The following ABTB3 variants were observed in gnomAD, a reference collection of about 807,000 sequenced individuals.
ABTB3 encodes ankyrin repeat and BTB domain containing 3, also known as ankyrin repeat- and BTB/POZ domain-containing protein 3.
the ABTB3 span, chr12:107,650,606 T>G: frequency 6.6e-6 from 1 of 152,272 alleles, no homozygotes; most frequent in Non-Finnish European, 1.5e-5. Flanking sequence ...TTCGGCTCAC[T>G]GCAACCTCTG....
the ABTB3 span, among the ~76,000 whole-genome samples, chr12:107,335,973 GC>G: frequency 6.6e-6 from 1 of 152,124 alleles, no homozygotes; most frequent in African/African-American, 2.4e-5. Flanking sequence ...TCCTCCTCCT[GC>G]CCCGACAATT....
the ABTB3 span, among the ~76,000 whole-genome samples, chr12:107,489,763 CTTTT>C: frequency 1.5e-4 from 23 of 152,038 alleles, no homozygotes; most frequent in African/African-American, 5.1e-4. Flanking sequence ...TAAACATTGT[CTTTT>C]TTTGTTTTTT....
chr12:107,657,628 C>T, the ABTB3 span: 190 of 1,614,116 alleles, frequency 1.2e-4, no homozygotes, highest in South Asian at 2.3e-4. Flanking sequence ...GTGAAGGGAC[C>T]GGCCAGGATG....
chr12:107,508,250 A>C, the ABTB3 span, among the ~76,000 whole-genome samples: 1 of 151,532 alleles, frequency 6.6e-6, no homozygotes, highest in Non-Finnish European at 1.5e-5. Context: ...TTGTTTAGTT[A>C]ATTGAAGGAT....
chr12:107,585,905 T>C, the ABTB3 span, among the ~76,000 whole-genome samples: 1 of 152,184 alleles, frequency 6.6e-6, no homozygotes, highest in Admixed American at 6.5e-5. Context: ...AAAGTTACTA[T>C]CCATTCCCTC....
chr12:107,352,147 G>A, the ABTB3 span, among the ~76,000 whole-genome samples: 1 of 152,200 alleles, frequency 6.6e-6, no homozygotes, highest in Non-Finnish European at 1.5e-5. Flanking sequence ...TTATGACACT[G>A]GGTGAAGAGG....
the ABTB3 span, among the ~76,000 whole-genome samples, chr12:107,625,969 A>G: frequency 1.0e-3 from 153 of 152,274 alleles, 1 homozygote; most frequent in African/African-American, 3.4e-3. Flanking sequence ...GCTATTGTCT[A>G]AAAGTTTCCT....
the ABTB3 span, among the ~76,000 whole-genome samples, chr12:107,355,371 C>T: frequency 3.9e-5 from 6 of 152,234 alleles, no homozygotes; most frequent in African/African-American, 9.6e-5. Flanking sequence ...GACTGGACCA[C>T]GTGGAACAGC....
At chr12:107,610,289 A>C in the ABTB3 span, 1 of 1,614,172 alleles carries the variant, frequency 6.2e-7, no homozygotes, top group East Asian at 2.2e-5. Context: ...ACTGTGGACG[A>C]ACAGACCTGG....
chr12:107,494,789 C>T, the ABTB3 span, among the ~76,000 whole-genome samples: 2 of 152,224 alleles, frequency 1.3e-5, no homozygotes, highest in Non-Finnish European at 2.9e-5. Context: ...ACTGAGGGCT[C>T]TGCGCTGCAG....
the ABTB3 span, among the ~76,000 whole-genome samples, chr12:107,436,444 T>C: frequency 2.0e-5 from 3 of 152,176 alleles, no homozygotes; most frequent in African/African-American, 7.2e-5. Flanking sequence ...ATACCACTAA[T>C]GTAGTCATGT....
the ABTB3 span, among the ~76,000 whole-genome samples, chr12:107,565,114 C>A: frequency 2.0e-5 from 3 of 152,162 alleles, no homozygotes; most frequent in African/African-American, 7.2e-5. Flanking sequence ...GGCTGGGAAG[C>A]TGGAAACAGG....
the ABTB3 span, among the ~76,000 whole-genome samples, chr12:107,335,381 A>C: frequency 7.1e-6 from 1 of 141,750 alleles, no homozygotes; most frequent in African/African-American, 2.6e-5. Context: ...GATTCTGAGG[A>C]TATTTGTGAT....
chr12:107,348,855 A>G, the ABTB3 span, among the ~76,000 whole-genome samples: 2 of 152,192 alleles, frequency 1.3e-5, no homozygotes. Context: ...GCTATTTTAG[A>G]CAGGGCACCT....
At chr12:107,422,557 GT>G in the ABTB3 span, among the ~76,000 whole-genome samples, 1 of 152,236 alleles carries the variant, frequency 6.6e-6, no homozygotes, top group Non-Finnish European at 1.5e-5. Flanking sequence ...GACTTTCACA[GT>G]TGTTTAGGTG....
the ABTB3 span, among the ~76,000 whole-genome samples, chr12:107,547,333 G>C: frequency 6.6e-6 from 1 of 152,132 alleles, no homozygotes; most frequent in East Asian, 1.9e-4. Flanking sequence ...TTCTAAAATG[G>C]AAGTCTCGCC....
chr12:107,610,050 C>A, the ABTB3 span: 1 of 936,202 alleles, frequency 1.1e-6, no homozygotes. Flanking sequence ...CATCCGGAGG[C>A]CATCATTTTA....
At chr12:107,588,277 T>TG in the ABTB3 span, among the ~76,000 whole-genome samples, 1 of 152,210 alleles carries the variant, frequency 6.6e-6, no homozygotes, top group Non-Finnish European at 1.5e-5. Context: ...ACATATCTTT[T>TG]GGGGGGACAC....
chr12:107,366,771 A>G, the ABTB3 span, among the ~76,000 whole-genome samples: 6 of 152,202 alleles, frequency 3.9e-5, no homozygotes, highest in Non-Finnish European at 7.3e-5. Context: ...GAAAATATAT[A>G]TTTTTTAATG....
Sources: gnomAD v4.1 joint callset for allele counts (sites outside exome capture counted in the v4.1 genomes callset) on GRCh38, gnomAD v4.1.1 for gene constraint, MANE v1.5 for transcripts, NCBI Gene and HGNC (gene_info 2026-07-23, HGNC 2026-07-21) for gene names.